SPOCK3: variants seen among roughly 807,000 people sequenced by gnomAD.
The protein encoded by SPOCK3 is SPARC (osteonectin), cwcv and kazal like domains proteoglycan 3.
In SPOCK3, 30 loss-of-function variants were observed where a neutral mutation model predicts 56.6. The observed-to-expected ratio is 0.53, with a 90% confidence interval of 0.40 to 0.72. The LOEUF is 0.72. Ranked by LOEUF, SPOCK3 falls within the 30% of genes least tolerant of loss-of-function variation. The pLI is 0.00. For missense variants in SPOCK3, 527 were observed against 530.0 expected (o/e 0.99, Z 0.06); for synonymous variants, 196 against 183.3 (o/e 1.07, Z -0.56).
At chr4:166,897,132 G>A (rs1735479118) in intron 5 of SPOCK3, among the ~76,000 whole-genome samples, 1 of 152,152 alleles carries the variant, frequency 6.6e-6, no homozygotes, top group Admixed American at 6.5e-5. Context: ...TATTGTATCA[G>A]ATTTTCCAGG....
At chr4:166,800,862 A>G (rs192900353) in intron 6 of SPOCK3, among the ~76,000 whole-genome samples, 1 of 152,170 alleles carries the variant, frequency 6.6e-6, no homozygotes, top group Admixed American at 6.5e-5. Flanking sequence ...ACATTCACTC[A>G]CCACTCACTC....
intron 2 of SPOCK3, among the ~76,000 whole-genome samples, chr4:167,074,627 T>A (rs1273278613): frequency 6.6e-6 from 1 of 151,898 alleles, no homozygotes; most frequent in Non-Finnish European, 1.5e-5. Context: ...ATCCTATCGC[T>A]ATAGCATTGT....
At chr4:167,042,295 G>C (rs1214892793) in intron 3 of SPOCK3, among the ~76,000 whole-genome samples, 1 of 152,182 alleles carries the variant, frequency 6.6e-6, no homozygotes, top group Non-Finnish European at 1.5e-5. Flanking sequence ...CTTGGATGTG[G>C]AACCTATGGT....
intron 3 of SPOCK3, among the ~76,000 whole-genome samples, chr4:167,056,237 G>C (rs556645827): frequency 8.5e-4 from 129 of 152,326 alleles, no homozygotes; most frequent in Non-Finnish European, 1.2e-3. Context: ...ATCTGCAGCT[G>C]AGGGTCCTGC....
At chr4:166,919,120 T>G (rs1738206939) in intron 4 of SPOCK3, among the ~76,000 whole-genome samples, 1 of 152,158 alleles carries the variant, frequency 6.6e-6, no homozygotes, top group Non-Finnish European at 1.5e-5. Context: ...TCTCAGGTAT[T>G]CCTTTATAGC....
intron 2 of SPOCK3, among the ~76,000 whole-genome samples, chr4:167,156,233 T>A (rs567886568): frequency 6.6e-6 from 1 of 152,134 alleles, no homozygotes; most frequent in Non-Finnish European, 1.5e-5. Context: ...AAGTACTTCA[T>A]AGTGACTCTA....
chr4:167,090,558 C>T (rs1210290230), intron 2 of SPOCK3, among the ~76,000 whole-genome samples: 1 of 151,660 alleles, frequency 6.6e-6, no homozygotes, highest in Non-Finnish European at 1.5e-5. Flanking sequence ...GGCTGGATTG[C>T]AATGGCGAGA....
At chr4:167,054,661 C>T (rs1470495741) in intron 3 of SPOCK3, among the ~76,000 whole-genome samples, 1 of 152,136 alleles carries the variant, frequency 6.6e-6, no homozygotes, top group African/African-American at 2.4e-5. Context: ...TTTACTTAAG[C>T]TCATTTGAAA....
chr4:167,128,452 C>T (rs1295746323), intron 2 of SPOCK3, among the ~76,000 whole-genome samples: 2 of 152,174 alleles, frequency 1.3e-5, no homozygotes, highest in African/African-American at 2.4e-5. Context: ...TAGTGGTCCT[C>T]ATCTTCTTCT....
intron 6 of SPOCK3, among the ~76,000 whole-genome samples, chr4:166,882,197 G>T (rs909528844): frequency 6.6e-6 from 1 of 152,154 alleles, no homozygotes; most frequent in Non-Finnish European, 1.5e-5. Context: ...AAGTTAAAGT[G>T]TAGAGATAGT....
chr4:167,194,473 G>A (rs891388296), intron 2 of SPOCK3, among the ~76,000 whole-genome samples: 5 of 152,148 alleles, frequency 3.3e-5, no homozygotes, highest in African/African-American at 1.2e-4. Context: ...GTGGTGTCAT[G>A]TTTTACTTGT....
intron 3 of SPOCK3, among the ~76,000 whole-genome samples, chr4:167,048,061 G>A (rs1211729521): frequency 1.3e-5 from 2 of 152,064 alleles, no homozygotes; most frequent in Non-Finnish European, 2.9e-5. Context: ...AATATGTTAA[G>A]TAGAACTATT....
chr4:166,805,210 A>G (rs1265482397), intron 6 of SPOCK3, among the ~76,000 whole-genome samples: 1 of 152,110 alleles, frequency 6.6e-6, no homozygotes, highest in Non-Finnish European at 1.5e-5. Context: ...CACTGATAAT[A>G]AACAGATCTC....
chr4:167,025,001 G>A (rs1561132762), intron 3 of SPOCK3, among the ~76,000 whole-genome samples: 1 of 151,936 alleles, frequency 6.6e-6, no homozygotes, highest in Admixed American at 6.6e-5. Context: ...TTTATAGCAT[G>A]TATCATAAAA....
chr4:167,168,627 C>T (rs1174099076), intron 2 of SPOCK3, among the ~76,000 whole-genome samples: 2 of 152,180 alleles, frequency 1.3e-5, no homozygotes, highest in African/African-American at 4.8e-5. Flanking sequence ...AAAGGAGAAG[C>T]AGGGCATACA....
chr4:166,955,789 T>G (rs945747786), intron 4 of SPOCK3, among the ~76,000 whole-genome samples: 4 of 151,812 alleles, frequency 2.6e-5, no homozygotes, highest in Non-Finnish European at 5.9e-5. Flanking sequence ...TCTTCAGCCC[T>G]TTCAAGCAAT....
At chr4:166,807,850 C>T (rs1352372556) in intron 6 of SPOCK3, among the ~76,000 whole-genome samples, 2 of 152,122 alleles carry the variant, frequency 1.3e-5, no homozygotes, top group Middle Eastern at 3.4e-3. Flanking sequence ...TTCTCTGCTC[C>T]TAAATTTTCT....
intron 3 of SPOCK3, among the ~76,000 whole-genome samples, chr4:167,030,217 T>G (rs2150179532): frequency 6.6e-6 from 1 of 152,130 alleles, no homozygotes; most frequent in African/African-American, 2.4e-5. Flanking sequence ...GTAATTATTT[T>G]TAGGTTTTCA....
intron 2 of SPOCK3, among the ~76,000 whole-genome samples, chr4:167,096,774 G>A (rs988306390): frequency 1.3e-5 from 2 of 151,776 alleles, no homozygotes; most frequent in Non-Finnish European, 3.0e-5. Context: ...ATTACATCAA[G>A]TTGATTAATA....
Sources: gnomAD v4.1 joint callset for allele counts (sites outside exome capture counted in the v4.1 genomes callset) on GRCh38, gnomAD v4.1.1 for gene constraint, MANE v1.5 for transcripts, NCBI Gene and HGNC (gene_info 2026-07-23, HGNC 2026-07-21) for gene names.